DRC1: variants seen among roughly 807,000 people sequenced by gnomAD.
DRC1 encodes the protein dynein regulatory complex subunit 1, also known as dynein regulatory complex protein 1.
Under a neutral mutation model 98.7 loss-of-function variants are expected in DRC1, and 74 were observed. The observed-to-expected ratio is 0.75, with a 90% CI of 0.62 to 0.91. DRC1 has a LOEUF of 0.91. DRC1 is among the 40% of genes least tolerant of loss of function. DRC1 has a pLI of 0.00. For synonymous variants in DRC1, 336 were observed against 334.1 expected (o/e 1.01, Z -0.06); for missense variants, 875 against 886.0 (o/e 0.99, Z 0.16).
intron 3 of DRC1, among the ~76,000 whole-genome samples, chr2:26,423,331 G>T (rs760362141): frequency 2.6e-5 from 4 of 152,148 alleles, no homozygotes; most frequent in Non-Finnish European, 5.9e-5. Context: ...TTGGAAGGTG[G>T]GGTGGGTGGG....
Position 26,450,068 on chromosome 2 carries a change from C to T in DRC1, c.1582C>T (p.Leu528=). The change falls in exon 12 of 17, where the codon CTG becomes TTG. Residue 528 remains leucine (L), a synonymous_variant. Transcript: ENST00000288710. ...LEQNECYLLR[L]DAIFSALGIE... is the part of the protein sequence containing the mutation. ...GCAGAATGAATGCTATCTGCTGAGGCTGGATGCCATCTTCTCCGTGAGTCC... is the reference window on the plus strand; with the variant it reads ...GCAGAATGAATGCTATCTGCTGAGGTTGGATGCCATCTTCTCCGTGAGTCC... 1 of 1,613,450 alleles carries T rather than the reference C, an allele frequency of 6.2e-7. No homozygotes were observed. Among genetic ancestry groups the T allele is most frequent in the Non-Finnish European group, 8.5e-7 (1 of 1,179,832 alleles).
At chr2:26,405,659 T>A (rs1272866706) in intron 1 of DRC1, among the ~76,000 whole-genome samples, 39 of 134,692 alleles carry the variant, frequency 2.9e-4, no homozygotes, top group African/African-American at 1.1e-3. Flanking sequence ...ATATCTTTTT[T>A]TTTTTTTTTT....
At chr2:26,437,807 T>C (rs1432405088) in intron 7 of DRC1, among the ~76,000 whole-genome samples, 5 of 151,862 alleles carry the variant, frequency 3.3e-5, no homozygotes, top group Admixed American at 6.6e-5. Context: ...TGAAGCGGCA[T>C]AGTATATAAA....
In DRC1 at chr2:26,411,304, A is replaced by G. The variant is rs1420399537; in HGVS notation, c.156-3040A>G. 2.0e-5 allele frequency among the ~76,000 whole-genome samples: 3 copies of G among 152,226 alleles called. No individual in the cohort carries two copies. The East Asian group carries it at 5.8e-4, about 29-fold the overall frequency. ...TAAAAACAGAACAGGTGAAATTAAT[A>G]ATTTATTTAACCCAATATATAAAAG... On this transcript the variant is annotated intron_variant, in intron 1 of 16. Coordinates refer to ENST00000288710, the MANE Select transcript of DRC1 (RefSeq NM_145038.5).
chr2:26,443,732 G>A (rs1244771708), intron 8 of DRC1, among the ~76,000 whole-genome samples: 2 of 152,190 alleles, frequency 1.3e-5, no homozygotes, highest in Non-Finnish European at 2.9e-5. Context: ...ATGAGTTACT[G>A]GACCTGTTAA....
intron 10 of DRC1, among the ~76,000 whole-genome samples, chr2:26,445,805 C>T (rs143264218): frequency 3.8e-4 from 58 of 152,106 alleles, no homozygotes; most frequent in Middle Eastern, 3.4e-3. Context: ...ACTACAGGTG[C>T]GCACTGCCAC....
intron 2 of DRC1, among the ~76,000 whole-genome samples, chr2:26,418,838 A>G (rs902398796): frequency 8.0e-5 from 11 of 137,698 alleles, no homozygotes; most frequent in African/African-American, 3.0e-4. Context: ...TATATAGTAT[A>G]TATAAAGCAT....
At chr2:26,405,082 C>T (rs1185297966) in intron 1 of DRC1, among the ~76,000 whole-genome samples, 1 of 152,182 alleles carries the variant, frequency 6.6e-6, no homozygotes, top group East Asian at 1.9e-4. Context: ...CCTGCTGCCT[C>T]TTCAGTCAAT....
chr2:26,447,687 C>T (rs1030078374), intron 10 of DRC1, among the ~76,000 whole-genome samples: 49 of 151,456 alleles, frequency 3.2e-4, no homozygotes, highest in African/African-American at 1.2e-3. Context: ...CTGCCTCAGC[C>T]TCCTGAGTAG....
intron 1 of DRC1, among the ~76,000 whole-genome samples, chr2:26,403,752 G>A (rs1181594783): frequency 2.2e-5 from 3 of 135,950 alleles, no homozygotes; most frequent in Non-Finnish European, 4.6e-5. Context: ...CTGAGATAGC[G>A]CCACTGCACT....
intron 1 of DRC1, among the ~76,000 whole-genome samples, chr2:26,404,491 AC>A (rs1678357040): frequency 6.6e-6 from 1 of 152,194 alleles, no homozygotes; most frequent in South Asian, 2.1e-4. Context: ...CAGGAGTGCT[AC>A]CTGTGGAGCT....
chr2:26,445,871 G>A (rs1052078708), intron 10 of DRC1, among the ~76,000 whole-genome samples: 2 of 151,934 alleles, frequency 1.3e-5, no homozygotes, highest in African/African-American at 2.4e-5. Flanking sequence ...TATTGGCCAG[G>A]ATGGTCTCCA....
At chr2:26,446,866 C>A (rs968127356) in intron 10 of DRC1, among the ~76,000 whole-genome samples, 2 of 152,030 alleles carry the variant, frequency 1.3e-5, no homozygotes, top group African/African-American at 2.4e-5. Flanking sequence ...CCAAGGCGCG[C>A]AGATCACCTG....
At position 26,422,752 on chromosome 2, in the gene DRC1, C is replaced by T. The variant is rs1663178820; in HGVS notation, c.356+1352C>T. On this transcript the variant is annotated intron_variant, in intron 3 of 16. Transcript: ENST00000288710. ...CCAACATGGTGAAACTCCGTCTCTACTAAGAACACAAAAAATTAGCTGGGT... is the reference window on the plus strand; with the variant it reads ...CCAACATGGTGAAACTCCGTCTCTATTAAGAACACAAAAAATTAGCTGGGT... Among the ~76,000 whole-genome samples the T allele has an allele frequency of 2.0e-5, 3 of 151,960 alleles. No individual in the cohort carries two copies. The South Asian group carries it at 6.2e-4, about 32-fold the overall frequency.
rs190727237 is a variant in DRC1, at chr2:26,403,297, G to A, written c.155+1153G>A. 2.8e-4 allele frequency among the ~76,000 whole-genome samples: 43 copies of A among 152,148 alleles called. No individual in the cohort carries two copies. In the East Asian group the frequency reaches 5.6e-3, roughly 20 times the overall value. On this transcript the variant is annotated intron_variant, in intron 1 of 16. Coordinates refer to ENST00000288710, the MANE Select transcript of DRC1 (RefSeq NM_145038.5). ...GCATCGTTATCACTTGAACTCCATT[G>A]TTTACCTTAGGGTTTCTTTTTGGTG...
Position 26,454,692 on chromosome 2 carries a change from CT to C in DRC1, c.1966del (p.Ser656ProfsTer10). 1 of 1,614,182 alleles carries C rather than the reference CT, an allele frequency of 6.2e-7. No individual in the cohort carries two copies. The highest frequency in any genetic ancestry group is 8.5e-7 in the Non-Finnish European group (1 of 1,180,042). On this transcript the variant is annotated frameshift_variant, in exon 15 of 17. Coordinates refer to ENST00000288710, the MANE Select transcript of DRC1 (RefSeq NM_145038.5). LOFTEE classifies it high-confidence loss of function. The surrounding 1 kb of genome is among the most constrained non-coding windows in gnomAD (Gnocchi z 5.2). ...GGGTACAGAAGAATGTGCGTGACAACTCCAAGGACTCGGAGTACTGGCAGGC... is the reference window on the plus strand; with the variant it reads ...GGGTACAGAAGAATGTGCGTGACAACCCAAGGACTCGGAGTACTGGCAGGC... ...LRVQKNVRDN[S>X]KDSEYWQALT... is the part of the protein sequence containing the mutation.
At chr2:26,440,994 T>C (rs1261404147) in intron 8 of DRC1, among the ~76,000 whole-genome samples, 2 of 152,190 alleles carry the variant, frequency 1.3e-5, no homozygotes, top group East Asian at 3.8e-4. Context: ...CTTCCAACCT[T>C]TTCCTCTTGC....
chr2:26,408,632 G>A (rs1169042250), intron 1 of DRC1, among the ~76,000 whole-genome samples: 2 of 152,084 alleles, frequency 1.3e-5, no homozygotes, highest in African/African-American at 4.8e-5. Context: ...AATTAGCGGC[G>A]TGGTGGTGCA....
chr2:26,452,717 C>A (rs959566035), intron 13 of DRC1, among the ~76,000 whole-genome samples: 9 of 152,192 alleles, frequency 5.9e-5, no homozygotes, highest in South Asian at 2.1e-4. Flanking sequence ...TGGGAAAAAA[C>A]CAAAGTTCTT....
Sources: gnomAD v4.1 joint callset for allele counts (sites outside exome capture counted in the v4.1 genomes callset) on GRCh38, gnomAD v4.1.1 for gene constraint, Gnocchi (gnomAD v3.1) non-coding constraint, MANE v1.5 for transcripts, NCBI Gene and HGNC (gene_info 2026-07-23, HGNC 2026-07-21) for gene names.